ZNF638: variants seen among roughly 807,000 people sequenced by gnomAD.
ZNF638 encodes the protein zinc finger protein 638.
ZNF638 carries 46 observed loss-of-function variants against 195.6 expected under a neutral mutation model. That is an observed-to-expected ratio of 0.24 (90% confidence interval 0.19 to 0.30). The LOEUF is 0.30. Among genes scored for constraint, ZNF638 ranks in the 10% least tolerant of loss-of-function variants. The pLI is 1.00. For synonymous variants in ZNF638, 845 were observed against 772.0 expected (o/e 1.09, Z -1.57); for missense variants, 2,440 against 2,325.3 (o/e 1.05, Z -1.01).
intron 8 of ZNF638, chr2:71,376,024 A>G (rs2079416044): frequency 6.6e-6 from 1 of 152,252 alleles, no homozygotes; most frequent in Admixed American, 6.5e-5. Context: ...GTTAAGGAAC[A>G]TAGGTAAGGA....
chr2:71,400,033 G>T, intron 13 of ZNF638, 79 bp from the exon 14 acceptor site: 1 of 1,210,630 alleles, frequency 8.3e-7, no homozygotes, highest in Non-Finnish European at 1.1e-6. Context: ...TGTCAAACTA[G>T]CTTAAGTTCC....
At chr2:71,354,747 A>ATT (rs2078996179) in intron 2 of ZNF638, among the ~76,000 whole-genome samples, 1 of 147,110 alleles carries the variant, frequency 6.8e-6, no homozygotes, top group African/African-American at 2.5e-5. Flanking sequence ...AAAAAAAAAG[A>ATT]AAAGAAAAAA....
At chr2:71,340,329 C>G (rs1050229885) in intron 1 of ZNF638, among the ~76,000 whole-genome samples, 3 of 152,164 alleles carry the variant, frequency 2.0e-5, no homozygotes, top group Admixed American at 2.0e-4. Context: ...ACTTGCATGC[C>G]TTTTGTGAGA....
intron 2 of ZNF638, 74 bp downstream of exon 2, chr2:71,350,345 C>A: frequency 7.0e-7 from 1 of 1,426,464 alleles, no homozygotes. Context: ...GATATGTATG[C>A]TGCTTGTTAA....
chr2:71,393,957 C>G (rs1486309639), intron 10 of ZNF638, among the ~76,000 whole-genome samples: 1 of 152,182 alleles, frequency 6.6e-6, no homozygotes. Context: ...CTACAAATGG[C>G]AAAGGAATTG....
intron 10 of ZNF638, among the ~76,000 whole-genome samples, chr2:71,385,905 TAAC>T: frequency 6.6e-6 from 1 of 151,906 alleles, no homozygotes; most frequent in African/African-American, 2.4e-5. Context: ...TGTAAAATTT[TAAC>T]ATATAGTGTC....
In ZNF638 at chr2:71,349,665, G is replaced by A. The variant is rs1350434246; in HGVS notation, c.711G>A (p.Glu237=). Reference sequence around the variant, plus strand: ...ATGATCCTGAAATTCCAACTGATGAGGTCGAGAATGAATTTCAGTCACAGC... The same window carrying A: ...ATGATCCTGAAATTCCAACTGATGAAGTCGAGAATGAATTTCAGTCACAGC... ...RIYDPEIPTD[E]VENEFQSQQN... The change falls in exon 2 of 28, where the codon GAG becomes GAA. Residue 237 remains glutamate (E), a synonymous_variant. Transcript: ENST00000264447. 6.2e-7 allele frequency: 1 copy of A among 1,614,126 alleles called. No individual in the cohort carries two copies. Among genetic ancestry groups the A allele is most frequent in the South Asian group, 1.1e-5 (1 of 91,084 alleles).
chr2:71,348,876 T>C lies in ZNF638; in HGVS notation c.-79T>C. On this transcript the variant is annotated 5_prime_UTR_variant, in exon 2 of 28. Coordinates refer to ENST00000264447, the MANE Select transcript of ZNF638 (RefSeq NM_014497.5). ...CTCAGATTAAGACTCAGTTGGCGCTTCAGCAGCTGAATGCCGTTGCCTCAC... is the reference window on the plus strand; with the variant it reads ...CTCAGATTAAGACTCAGTTGGCGCTCCAGCAGCTGAATGCCGTTGCCTCAC... The C allele has an allele frequency of 6.2e-7, 1 of 1,613,526 alleles. No homozygotes were observed. Among genetic ancestry groups the C allele is most frequent in the Non-Finnish European group, 8.5e-7 (1 of 1,179,980 alleles).
intron 10 of ZNF638, 65 bp downstream of exon 10, chr2:71,380,630 T>C: frequency 2.2e-6 from 3 of 1,349,694 alleles, no homozygotes; most frequent in Non-Finnish European, 3.1e-6. Flanking sequence ...GAAACTTAGA[T>C]GATGATGCTA....
rs760486428 is a variant in ZNF638, at chr2:71,349,836, A to G, written c.882A>G (p.Ser294=). 6.2e-7 allele frequency: 1 copy of G among 1,614,098 alleles called. No individual in the cohort carries two copies. The highest frequency in any genetic ancestry group is 8.5e-7 in the Non-Finnish European group (1 of 1,180,050). Residue 294 remains serine (S), a synonymous_variant, in exon 2 of 28, where the codon TCA becomes TCG. Transcript: ENST00000264447. ...FFSVESGTKM[S]GLHISGGQSV... ...CAGTTGAGAGTGGAACCAAGATGTC[A>G]GGCTTACACATTTCAGGAGGACAGT...
intron 5 of ZNF638, among the ~76,000 whole-genome samples, 195 bp from the exon 6 acceptor site, chr2:71,365,233 CA>C (rs1240111516): frequency 6.6e-6 from 1 of 151,836 alleles, no homozygotes; most frequent in Non-Finnish European, 1.5e-5. Context: ...ATCTCAAAAC[CA>C]AAAGTTTGAG....
intron 19 of ZNF638, among the ~76,000 whole-genome samples, 199 bp downstream of exon 19, chr2:71,406,461 AG>A (rs1176940462): frequency 6.6e-6 from 1 of 152,172 alleles, no homozygotes; most frequent in Non-Finnish European, 1.5e-5. Flanking sequence ...CAGAACTCCT[AG>A]TTTTTAAGGA....
chr2:71,369,277 G>A (rs6744076), intron 7 of ZNF638, among the ~76,000 whole-genome samples: 1 of 149,346 alleles, frequency 6.7e-6, no homozygotes. Flanking sequence ...GACTAGAGAT[G>A]GCGCCGCTGC....
intron 8 of ZNF638, chr2:71,375,675 A>G (rs1287603271): frequency 6.6e-6 from 1 of 152,216 alleles, no homozygotes; most frequent in Admixed American, 6.5e-5. Context: ...ATGTTATTCA[A>G]GGTTTTTGAA....
At chr2:71,377,367 T>TC (rs1268614216) in intron 8 of ZNF638, among the ~76,000 whole-genome samples, 3 of 152,164 alleles carry the variant, frequency 2.0e-5, no homozygotes, top group African/African-American at 7.2e-5. Flanking sequence ...TTTTAAAACT[T>TC]CAATTCAGTG....
intron 2 of ZNF638, among the ~76,000 whole-genome samples, chr2:71,352,280 C>G (rs1435432539): frequency 6.6e-6 from 1 of 151,872 alleles, no homozygotes; most frequent in Non-Finnish European, 1.5e-5. Context: ...GAGTTCAAGA[C>G]CACCCTTACT....
At chr2:71,348,676 T>G in intron 1 of ZNF638, 77 bp from the exon 2 acceptor site, 2 of 1,362,788 alleles carry the variant, frequency 1.5e-6, no homozygotes, top group Non-Finnish European at 1.9e-6. Context: ...TTTCAAAATG[T>G]TTTACACTGG....
intron 16 of ZNF638, among the ~76,000 whole-genome samples, chr2:71,403,485 CAT>C (rs1346369245): frequency 2.0e-5 from 3 of 152,088 alleles, no homozygotes; most frequent in African/African-American, 4.8e-5. Context: ...TCATATTTCT[CAT>C]ATTTTATCAA....
At chr2:71,369,630 C>T (rs934270159) in intron 7 of ZNF638, among the ~76,000 whole-genome samples, 1 of 152,190 alleles carries the variant, frequency 6.6e-6, no homozygotes, top group Non-Finnish European at 1.5e-5. Context: ...ATTTCCTCTT[C>T]TTCCATGAGC....
Sources: gnomAD v4.1 joint callset for allele counts (sites outside exome capture counted in the v4.1 genomes callset) on GRCh38, gnomAD v4.1.1 for gene constraint, MANE v1.5 for transcripts, NCBI Gene and HGNC (gene_info 2026-07-23, HGNC 2026-07-21) for gene names.